The following KIF1B variants were observed in gnomAD, a reference collection of about 807,000 sequenced individuals.
The protein encoded by KIF1B is kinesin family member 1B.
In KIF1B, 76 loss-of-function variants were observed where a neutral mutation model predicts 241.9. That is an observed-to-expected ratio of 0.31 (90% CI 0.26 to 0.38). The LOEUF (loss-of-function observed/expected upper bound fraction) is 0.38. KIF1B is among the 10% of genes least tolerant of loss of function. The pLI is 1.00. For missense variants in KIF1B, 1,622 were observed against 2,271.4 expected (o/e 0.71, Z 5.81); for synonymous variants, 750 against 796.7 (o/e 0.94, Z 0.99).
chr1:10,317,345 A>G (rs1000231674), intron 22 of KIF1B, among the ~76,000 whole-genome samples: 1 of 150,956 alleles, frequency 6.6e-6, no homozygotes, highest in Non-Finnish European at 1.5e-5. Flanking sequence ...TCCTTTTGAA[A>G]TGGCCCCAGT....
At chr1:10,307,656 G>A in intron 22 of KIF1B, 10 of 1,017,412 alleles carry the variant, frequency 9.8e-6, no homozygotes, top group Non-Finnish European at 1.2e-5. Context: ...AATACCACAA[G>A]GCCAAAGAGA....
At position 10,296,983 on chromosome 1, in the gene KIF1B, G is replaced by A. The variant is rs1368817654; in HGVS notation, c.1948G>A (p.Ala650Thr). ...AGCTGAGCGAGAGAAGACTCCTTCT[G>A]CTGAGACCCCCTCTGAGCCTGTGGA... Reference protein sequence around the residue: ...ARAEREKTPSAETPSEPVDWT... With the variant: ...ARAEREKTPSTETPSEPVDWT... Residue 650 changes from alanine (A) to threonine (T), a missense_variant, in exon 21 of 49, where the codon GCT becomes ACT. By Grantham distance (58) the Ala-to-Thr change is moderately conservative. This residue lies in a region of KIF1B where 803 missense variants were observed against 1,112.0 expected (regional missense o/e 0.72). Transcript: ENST00000676179. The A allele has an allele frequency of 6.2e-7, 1 of 1,614,070 alleles. No individual in the cohort carries two copies. The highest frequency in any genetic ancestry group is 1.1e-5 in the South Asian group (1 of 91,076).
intron 45 of KIF1B, among the ~76,000 whole-genome samples, chr1:10,373,899 AAAATTT>A (rs1638813485): frequency 6.6e-6 from 1 of 152,198 alleles, no homozygotes; most frequent in African/African-American, 2.4e-5. Context: ...TTGGAGTCTA[AAAATTT>A]GAGTTTTTGA....
At chr1:10,232,466 A>T (rs1208355924) in intron 2 of KIF1B, 32 bp downstream of exon 2, 1 of 1,452,418 alleles carries the variant, frequency 6.9e-7, no homozygotes, top group South Asian at 1.1e-5. Flanking sequence ...TCAGCTGTGT[A>T]TCTTACTTTC....
In KIF1B at chr1:10,374,074, G is replaced by A. The variant is rs1045077483; in HGVS notation, c.4947-242G>A. 6.6e-6 allele frequency among the ~76,000 whole-genome samples: 1 copy of A among 152,182 alleles called. No individual in the cohort carries two copies. The highest frequency in any genetic ancestry group is 1.9e-4 in the East Asian group (1 of 5,204). On this transcript the variant is annotated intron_variant, in intron 45 of 48. Coordinates refer to ENST00000676179, the MANE Select transcript of KIF1B (RefSeq NM_001365951.3). The surrounding 1 kb of genome is among the most constrained non-coding windows in gnomAD (Gnocchi z 4.3). ...GCTTTAATATAGGCAGAGAGATTGTGTGACCCAGTGGCCATCAATGATCAA... is the reference window on the plus strand; with the variant it reads ...GCTTTAATATAGGCAGAGAGATTGTATGACCCAGTGGCCATCAATGATCAA...
At chr1:10,297,311 C>G (rs1650317129) in intron 22 of KIF1B, 65 bp downstream of exon 22, 1 of 1,424,064 alleles carries the variant, frequency 7.0e-7, no homozygotes, top group Non-Finnish European at 9.9e-7. Context: ...TTTCCCTGTT[C>G]CACAGAGCAG....
At chr1:10,216,815 C>T (rs891420455) in intron 1 of KIF1B, among the ~76,000 whole-genome samples, 1 of 152,240 alleles carries the variant, frequency 6.6e-6, no homozygotes, top group Admixed American at 6.5e-5. Flanking sequence ...ACAAACTTCT[C>T]TGCCCTCTTT....
At chr1:10,280,375 A>G (rs1264909045) in intron 14 of KIF1B, among the ~76,000 whole-genome samples, 1 of 152,012 alleles carries the variant, frequency 6.6e-6, no homozygotes, top group Non-Finnish European at 1.5e-5. Context: ...AGCTGGGACT[A>G]TAGGTGCGCA....
intron 19 of KIF1B, 69 bp downstream of exon 19, chr1:10,295,835 T>C: frequency 1.6e-6 from 2 of 1,288,450 alleles, no homozygotes; most frequent in Non-Finnish European, 2.2e-6. Context: ...CCTTAAGACT[T>C]TGTATTCTCT....
rs1368994899 is a variant in KIF1B, at chr1:10,303,626, C to T, written c.2115+6380C>T. 1 of 1,613,992 alleles carries T rather than the reference C, an allele frequency of 6.2e-7. No homozygotes were observed. The highest frequency in any genetic ancestry group is 8.5e-7 in the Non-Finnish European group (1 of 1,180,038). On this transcript the variant is annotated intron_variant, in intron 22 of 48. Coordinates refer to ENST00000676179, the MANE Select transcript of KIF1B (RefSeq NM_001365951.3). This position sits in a 1 kb window ranked among gnomAD's most constrained non-coding sequence, Gnocchi z 5.2. ...GTCATGGCCACTGGGAAAGGCAGCA[C>T]TGATGTAGATGACCTCAAGGTTCAT...
At chr1:10,345,636 C>T in intron 34 of KIF1B, 1 of 565,826 alleles carries the variant, frequency 1.8e-6, no homozygotes, top group East Asian at 3.1e-5. Context: ...ATACTGATTT[C>T]TTTATTTTCC....
chr1:10,321,932 G>A, intron 24 of KIF1B, 75 bp downstream of exon 24: 1 of 1,542,664 alleles, frequency 6.5e-7, no homozygotes, highest in Non-Finnish European at 8.9e-7. Context: ...TTCTCACCTT[G>A]AATTAACCTT....
Position 10,374,383 on chromosome 1 carries a change from G to C in KIF1B, c.5014G>C (p.Ala1672Pro), listed in dbSNP as rs909290817. The C allele has an allele frequency of 4.3e-6, 7 of 1,614,010 alleles. No individual in the cohort carries two copies. Among genetic ancestry groups the C allele is most frequent in the Non-Finnish European group, 1.7e-6 (2 of 1,180,000 alleles). Reference sequence around the variant, plus strand: ...ATTTGAACAGTTTCAGATTGTCCCAGCTGTGGAAACACCATATTTGGCCCG... The same window carrying C: ...ATTTGAACAGTTTCAGATTGTCCCACCTGTGGAAACACCATATTTGGCCCG... ...PEFEQFQIVPAVETPYLARAG... is the reference protein window; with the variant it reads ...PEFEQFQIVPPVETPYLARAG... The change falls in exon 46 of 49, where the codon GCT becomes CCT. Residue 1672 changes from alanine to proline, a missense_variant. Ala to Pro is a conservative substitution (Grantham distance 27). Transcript: ENST00000676179. The surrounding 1 kb of genome is among the most constrained non-coding windows in gnomAD (Gnocchi z 4.3).
intron 5 of KIF1B, among the ~76,000 whole-genome samples, chr1:10,265,260 AG>A (rs1160329902): frequency 1.0e-4 from 15 of 148,142 alleles, no homozygotes; most frequent in African/African-American, 3.5e-4. Flanking sequence ...TTTTAGAGAC[AG>A]GATCTCACTG....
chr1:10,304,648 A>G, intron 22 of KIF1B: 1 of 1,613,768 alleles, frequency 6.2e-7, no homozygotes, highest in Non-Finnish European at 8.5e-7. Context: ...CACAGTATAA[A>G]TCAGTTACTG....
At chr1:10,218,922 G>A (rs1646803733) in intron 1 of KIF1B, among the ~76,000 whole-genome samples, 1 of 152,066 alleles carries the variant, frequency 6.6e-6, no homozygotes, top group Non-Finnish European at 1.5e-5. Context: ...ATACAGTGAA[G>A]CTATTAAAAT....
intron 22 of KIF1B, among the ~76,000 whole-genome samples, chr1:10,311,367 C>A (rs1384658944): frequency 6.6e-6 from 1 of 151,082 alleles, no homozygotes; most frequent in Non-Finnish European, 1.5e-5. Flanking sequence ...CGCCACCACA[C>A]CGAGCTAATT....
Position 10,246,154 on chromosome 1 carries a change from C to T in KIF1B, c.107-10093C>T, listed in dbSNP as rs75866040. Among the ~76,000 whole-genome samples the T allele has an allele frequency of 6.3e-3, 966 of 152,328 alleles. 8 individuals are homozygous for T. The highest frequency in any genetic ancestry group is 0.012 in the Admixed American group (178 of 15,300). Reference sequence around the variant, plus strand: ...GGCCACAGAAGCATCTCAAACTCAACATGTCCTAAACATAACTATTGTTTT... The same window carrying T: ...GGCCACAGAAGCATCTCAAACTCAATATGTCCTAAACATAACTATTGTTTT... On this transcript the variant is annotated intron_variant, in intron 2 of 48. Transcript: ENST00000676179.
intron 2 of KIF1B, among the ~76,000 whole-genome samples, chr1:10,255,175 C>T (rs1245823073): frequency 1.3e-5 from 2 of 151,994 alleles, no homozygotes. Flanking sequence ...TCTCGAATTC[C>T]TGACCTCAAG....
Sources: allele counts gnomAD v4.1 joint callset (sites outside exome capture counted in the v4.1 genomes callset), GRCh38; gene constraint gnomAD v4.1.1; regional missense constraint gnomAD v4.1.1; non-coding constraint Gnocchi (gnomAD v3.1); transcripts MANE v1.5; gene names NCBI Gene and HGNC (gene_info 2026-07-23, HGNC 2026-07-21).